The following LITAF variants were observed in gnomAD, a reference collection of about 807,000 sequenced individuals.
The protein encoded by LITAF is lipopolysaccharide induced TNF factor.
In LITAF, 9 loss-of-function variants were observed where a neutral mutation model predicts 14.5. The ratio of observed to expected loss-of-function variants is 0.62; its 90% CI spans 0.37 to 1.08. LITAF has a LOEUF of 1.08. Ranked by LOEUF, LITAF falls within the 50% of genes least tolerant of loss-of-function variation. The probability of loss-of-function intolerance (pLI) is 0.01; values close to 1 mark genes in which losing one functional copy is unlikely to be tolerated. For synonymous variants in LITAF, 98 were observed against 88.2 expected, an observed-to-expected ratio of 1.11 and a Z score of -0.62; for missense variants, 206 against 213.4, an observed-to-expected ratio of 0.97 and a Z score of 0.22.
chr16:11,573,325 C>T (rs2064574999), intron 1 of LITAF, among the ~76,000 whole-genome samples: 1 of 152,166 alleles, frequency 6.6e-6, no homozygotes, highest in African/African-American at 2.4e-5. Flanking sequence ...GTTGGTAACA[C>T]ACACAGAGAG....
intron 3 of LITAF, among the ~76,000 whole-genome samples, chr16:11,628,031 A>C (rs960685839): frequency 6.6e-5 from 10 of 151,634 alleles, no homozygotes; most frequent in African/African-American, 2.4e-4. Context: ...AAAAAAAAAA[A>C]AACAAGGCCT....
At position 11,605,177 on chromosome 16, in the gene LITAF, G is replaced by A. The variant is rs931673732; in HGVS notation, c.85+28356C>T. On this transcript the variant is annotated intron_variant, in intron 3 of 3. Transcript: ENST00000574848. This position sits in a 1 kb window ranked among gnomAD's most constrained non-coding sequence, Gnocchi z 4.7. ...TCCACTGTGCAAACAGGGAGCCCAA[G>A]CTCTCAGCATCCCCCCAGCCAGCTC... is the stretch of plus-strand genomic sequence containing the variant. Among the ~76,000 whole-genome samples, 1 of 152,112 alleles carries A rather than the reference G, an allele frequency of 6.6e-6. No individual in the cohort carries two copies. Among genetic ancestry groups the A allele is most frequent in the Non-Finnish European group, 1.5e-5 (1 of 68,026 alleles).
rs2065123779 is a variant in LITAF, at chr16:11,632,722, G to C, written c.85+811C>G. On this transcript the variant is annotated intron_variant, in intron 3 of 3. Coordinates refer to the LITAF transcript ENST00000574848. The surrounding 1 kb of genome is among the most constrained non-coding windows in gnomAD (Gnocchi z 4.8). ...TCTTTCGGTTCTGCAAATGCCACTG[G>C]CTCTGCTGGCTCTGAGCGCAGAGTC... is the stretch of plus-strand genomic sequence containing the variant. Among the ~76,000 whole-genome samples, 1 of 152,216 alleles carries C rather than the reference G, an allele frequency of 6.6e-6. No individual in the cohort carries two copies. The highest frequency in any genetic ancestry group is 6.5e-5 in the Admixed American group (1 of 15,280).
At chr16:11,618,356 T>G (rs916531678) in intron 3 of LITAF, among the ~76,000 whole-genome samples, 14 of 152,142 alleles carry the variant, frequency 9.2e-5, no homozygotes, top group African/African-American at 2.9e-4. Context: ...GAATTTGTAA[T>G]CAGCCAGGCA....
At chr16:11,566,502 G>A (rs982576516) in intron 1 of LITAF, among the ~76,000 whole-genome samples, 6 of 152,200 alleles carry the variant, frequency 3.9e-5, no homozygotes, top group Non-Finnish European at 5.9e-5. Flanking sequence ...GGTGGCTCAT[G>A]CCTGAAATCC....
chr16:11,571,322 C>T (rs557186670), intron 1 of LITAF, among the ~76,000 whole-genome samples: 42 of 152,316 alleles, frequency 2.8e-4, no homozygotes, highest in African/African-American at 1.0e-3. Context: ...CTGCCTCGGC[C>T]TCCCAAAGTG....
At chr16:11,567,356 A>C (rs2064467183) in intron 1 of LITAF, among the ~76,000 whole-genome samples, 1 of 151,174 alleles carries the variant, frequency 6.6e-6, no homozygotes, top group Non-Finnish European at 1.5e-5. Context: ...GGAGATGGAG[A>C]TTGCAGTGAG....
At chr16:11,591,723 A>G (rs1486867561), upstream of LITAF, among the ~76,000 whole-genome samples, 2 of 151,876 alleles carry the variant, frequency 1.3e-5, no homozygotes, top group Non-Finnish European at 2.9e-5. Flanking sequence ...TCACTGCAAC[A>G]TTCACTTCCC....
chr16:11,575,475 T>A (rs2064617466), intron 1 of LITAF: 1 of 152,016 alleles, frequency 6.6e-6, no homozygotes. Context: ...AGCCTTCACA[T>A]CACAAGGTGG....
Position 11,549,056 on chromosome 16 carries a change from A to AG in LITAF, c.*580_*581insC. On this transcript the variant is annotated 3_prime_UTR_variant, in exon 4 of 4. Transcript: ENST00000622633. This position sits in a 1 kb window ranked among gnomAD's most constrained non-coding sequence, Gnocchi z 4.6. ...GTTAATAGCCCCCTCCTTGTATTTA[A>AG]AAAAAAAATTAAGAAATTAAAGTGA... 1 of 452,900 alleles carries AG rather than the reference A, an allele frequency of 2.2e-6. No individual in the cohort carries two copies. Among genetic ancestry groups the AG allele is most frequent in the Non-Finnish European group, 4.4e-6 (1 of 226,506 alleles). 28.1% of individuals were successfully genotyped at this position (452,900 alleles called of 1,614,324 possible).
In LITAF at chr16:11,556,586, T is replaced by A; in HGVS notation, c.145A>T (p.Thr49Ser). The change falls in exon 2 of 4, where the codon ACG becomes TCG. Residue 49 changes from threonine to serine, a missense_variant. Coordinates refer to ENST00000622633, the MANE Select transcript of LITAF (RefSeq NM_001136472.2). ...PMPGPTTGLV[T>S]GPDGKGMNPP... ...TTCATGCCCTTCCCATCAGGCCCCGTCACAAGCCCCGTAGTTGGCCCAGGC... is the reference window on the plus strand; with the variant it reads ...TTCATGCCCTTCCCATCAGGCCCCGACACAAGCCCCGTAGTTGGCCCAGGC... 6.2e-7 allele frequency: 1 copy of A among 1,614,128 alleles called. No individual in the cohort carries two copies. The highest frequency in any genetic ancestry group is 8.5e-7 in the Non-Finnish European group (1 of 1,180,030).
chr16:11,568,828 C>G (rs1320002130), intron 1 of LITAF, among the ~76,000 whole-genome samples: 1 of 151,884 alleles, frequency 6.6e-6, no homozygotes, highest in Non-Finnish European at 1.5e-5. Flanking sequence ...TACAGGCATG[C>G]GCCACCAAGC....
chr16:11,606,973 G>A (rs35006402), intron 3 of LITAF, among the ~76,000 whole-genome samples: 9,164 of 152,168 alleles, frequency 0.06, 382 homozygotes, highest in South Asian at 0.13. Context: ...CCTTACGAGC[G>A]AAGTGCTATT....
chr16:11,610,527 TG>T (rs1168949351), intron 3 of LITAF, among the ~76,000 whole-genome samples: 4 of 152,128 alleles, frequency 2.6e-5, no homozygotes, highest in Middle Eastern at 3.4e-3. Flanking sequence ...TCTGTGCACA[TG>T]GCTTGGCAGC....
chr16:11,575,226 T>C (rs1399731622), intron 1 of LITAF, among the ~76,000 whole-genome samples: 1 of 151,992 alleles, frequency 6.6e-6, no homozygotes, highest in Non-Finnish European at 1.5e-5. Context: ...GGGACCCATA[T>C]AGGGAGGCAA....
chr16:11,638,701 CAAAAAAAAAAAAAAAAAAAAAAAAAAA>C (rs57170972), upstream of LITAF, among the ~76,000 whole-genome samples: 40 of 75,968 alleles, frequency 5.3e-4, 2 homozygotes, highest in East Asian at 0.011. Context: ...GACTCTGTCT[CAAAAAAAAAAAAAAAAAAAAAAAAAAA>C]AAAAAAAAAA....
upstream of LITAF, among the ~76,000 whole-genome samples, chr16:11,600,542 G>C (rs1213514289): frequency 1.3e-5 from 2 of 152,244 alleles, no homozygotes. This position sits in a 1 kb window ranked among gnomAD's most constrained non-coding sequence, Gnocchi z 4.1. Flanking sequence ...TGGATTGGGA[G>C]CTTGTCTTCC....
At chr16:11,615,540 T>C (rs1434340344) in intron 3 of LITAF, among the ~76,000 whole-genome samples, 7 of 150,986 alleles carry the variant, frequency 4.6e-5, no homozygotes, top group African/African-American at 1.7e-4. Context: ...TCCGTCTCAA[T>C]AAATAAATAA....
At chr16:11,613,259 C>G (rs1424536238) in intron 3 of LITAF, among the ~76,000 whole-genome samples, 1 of 152,112 alleles carries the variant, frequency 6.6e-6, no homozygotes, top group Non-Finnish European at 1.5e-5. Flanking sequence ...AGGCTGGTCT[C>G]GAACGCCTGA....
Sources: gnomAD v4.1 joint callset for allele counts (sites outside exome capture counted in the v4.1 genomes callset) on GRCh38, gnomAD v4.1.1 for gene constraint, Gnocchi (gnomAD v3.1) non-coding constraint, MANE v1.5 for transcripts, NCBI Gene and HGNC (gene_info 2026-07-23, HGNC 2026-07-21) for gene names.